CEP78: variants seen among roughly 807,000 people sequenced by gnomAD.
CEP78 encodes the protein centrosomal protein of 78 kDa.
In CEP78, 76 loss-of-function variants were observed where a neutral mutation model predicts 81.2. The ratio of observed to expected loss-of-function variants is 0.94; its 90% CI spans 0.78 to 1.13. CEP78 has a LOEUF of 1.13. Among genes scored for constraint, CEP78 ranks in the 50% most tolerant of loss-of-function variants. The pLI is 0.00. For missense variants in CEP78, 918 were observed against 846.8 expected, an observed-to-expected ratio of 1.08 and a Z score of -1.04; for synonymous variants, 293 against 301.4, an observed-to-expected ratio of 0.97 and a Z score of 0.29.
chr9:78,236,099 G>A lies in CEP78; in HGVS notation c.-252G>A. 1.9e-6 allele frequency: 1 copy of A among 517,124 alleles called. No individual in the cohort carries two copies. Among genetic ancestry groups the A allele is most frequent in the Non-Finnish European group, 3.4e-6 (1 of 293,658 alleles). The allele number at this position is 517,124 out of a possible 1,614,324, so 32.0% of individuals were successfully genotyped here. On this transcript the variant is annotated 5_prime_UTR_variant, in exon 1 of 17. Transcript: ENST00000643273. ...CGGCTTGAATCCCGGCGCCTCAGAGGACTATGAGGCGGGCGCCAACTGCTT... is the reference window on the plus strand; with the variant it reads ...CGGCTTGAATCCCGGCGCCTCAGAGAACTATGAGGCGGGCGCCAACTGCTT...
intron 3 of CEP78, among the ~76,000 whole-genome samples, chr9:78,240,726 C>T (rs1199564083): frequency 1.3e-5 from 2 of 151,958 alleles, no homozygotes; most frequent in Admixed American, 1.3e-4. Flanking sequence ...TTTGGGAGGC[C>T]GACGTGGGCG....
intron 12 of CEP78, 126 bp from the exon 13 acceptor site, chr9:78,264,024 C>T (rs536817368): frequency 1.6e-6 from 1 of 615,760 alleles, no homozygotes; most frequent in Non-Finnish European, 2.6e-6. Flanking sequence ...TCTGTCTTTA[C>T]TGGTAGAGAG....
intron 16 of CEP78, chr9:78,267,108 C>G: frequency 5.8e-6 from 6 of 1,025,814 alleles, no homozygotes; most frequent in Non-Finnish European, 5.3e-6. Flanking sequence ...TTGGAAGCCA[C>G]TAAAGGAAGA....
At chr9:78,259,806 A>G (rs1482347253) in intron 11 of CEP78, among the ~76,000 whole-genome samples, 2 of 152,210 alleles carry the variant, frequency 1.3e-5, no homozygotes, top group African/African-American at 2.4e-5. Flanking sequence ...CTGAATTTCC[A>G]AAAAATAACC....
intron 1 of CEP78, among the ~76,000 whole-genome samples, chr9:78,237,986 G>A (rs146357778): frequency 0.018 from 2,789 of 150,876 alleles, 80 homozygotes; most frequent in African/African-American, 0.064. Context: ...TTAGCCGGGC[G>A]TGGTGGCGGG....
At chr9:78,264,437 C>A in intron 13 of CEP78, 121 bp downstream of exon 13, 1 of 674,816 alleles carries the variant, frequency 1.5e-6, no homozygotes, top group Non-Finnish European at 2.3e-6. Context: ...ATAAGTAATA[C>A]ACTTGATTTT....
intron 8 of CEP78, chr9:78,249,920 A>G (rs1826674369): frequency 1.0e-5 from 2 of 196,124 alleles, no homozygotes; most frequent in Non-Finnish European, 2.1e-5. Flanking sequence ...GTACATTAAG[A>G]TCACCAAACA....
At position 78,273,710 on chromosome 9, in the gene CEP78, G is replaced by T. The variant is rs1396733583; in HGVS notation, c.*2859G>T. The T allele has an allele frequency of 6.6e-6, 1 of 152,288 alleles. No homozygotes were observed. Among genetic ancestry groups the T allele is most frequent in the Non-Finnish European group, 1.5e-5 (1 of 68,120 alleles). The allele number at this position is 152,288 out of a possible 1,614,324, so 9.4% of individuals were successfully genotyped here. On this transcript the variant is annotated 3_prime_UTR_variant, in exon 17 of 17. Coordinates refer to ENST00000643273, the MANE Select transcript of CEP78 (RefSeq NM_001330691.3). Reference sequence around the variant, plus strand: ...TGCAGTGAGCTGAGATGGCACCGCTGCACTCCAGCCTGGGCCATAGAGGAG... The same window carrying T: ...TGCAGTGAGCTGAGATGGCACCGCTTCACTCCAGCCTGGGCCATAGAGGAG...
At chr9:78,269,105 C>T (rs1268952773) in intron 16 of CEP78, among the ~76,000 whole-genome samples, 2 of 152,048 alleles carry the variant, frequency 1.3e-5, no homozygotes, top group South Asian at 2.1e-4. Context: ...ACTGGTGCCA[C>T]GAAATGCCAA....
chr9:78,251,398 C>T (rs1826752552), intron 8 of CEP78, among the ~76,000 whole-genome samples: 1 of 152,150 alleles, frequency 6.6e-6, no homozygotes. Flanking sequence ...ATACCTTTTA[C>T]ATGATAAAAT....
At chr9:78,258,143 T>A (rs965407711) in intron 11 of CEP78, among the ~76,000 whole-genome samples, 2 of 152,222 alleles carry the variant, frequency 1.3e-5, no homozygotes, top group East Asian at 3.8e-4. Flanking sequence ...TATTAATTCA[T>A]TTGATCCTCA....
Position 78,276,276 on chromosome 9 carries a change from C to G in CEP78, c.*5425C>G, listed in dbSNP as rs890854675. On this transcript the variant is annotated 3_prime_UTR_variant, in exon 17 of 17. Coordinates refer to ENST00000643273, the MANE Select transcript of CEP78 (RefSeq NM_001330691.3). ...CAGATTAAAGAAGTATAGTCATCTT[C>G]ACAAGCTGAAAGAGTATGTGATAAA... The G allele has an allele frequency of 1.3e-5, 2 of 152,180 alleles. No individual in the cohort carries two copies. The highest frequency in any genetic ancestry group is 4.8e-5 in the African/African-American group (2 of 41,440). The allele number at this position is 152,180 out of a possible 1,614,324, so 9.4% of individuals were successfully genotyped here.
rs1298745866 is a variant in CEP78, at chr9:78,270,914, G to A, written c.*63G>A. On this transcript the variant is annotated 3_prime_UTR_variant, in exon 17 of 17. Coordinates refer to ENST00000643273, the MANE Select transcript of CEP78 (RefSeq NM_001330691.3). ...AGTTGGAAAACCAGAAATTTGAACAGTGAAATTTCTGGAAGATAAGAAGCA... is the reference window on the plus strand; with the variant it reads ...AGTTGGAAAACCAGAAATTTGAACAATGAAATTTCTGGAAGATAAGAAGCA... The A allele has an allele frequency of 3.1e-6, 2 of 651,216 alleles. No homozygotes were observed. The highest frequency in any genetic ancestry group is 1.8e-5 in the South Asian group (1 of 56,802). The allele number at this position is 651,216 out of a possible 1,614,324, so 40.3% of individuals were successfully genotyped here. A position where few individuals can be genotyped will look rare whatever the true frequency, so the allele number is the denominator to read the frequency against.
rs114270051 is a variant in CEP78, at chr9:78,250,770, C to T, written c.1070-1138C>T. Among the ~76,000 whole-genome samples the T allele has an allele frequency of 5.7e-3, 865 of 152,258 alleles. 7 individuals carry two copies. Among genetic ancestry groups the T allele is most frequent in the African/African-American group, 0.02 (820 of 41,558 alleles). ...AAAAAAAAAATTTATATTTGCATTA[C>T]TTTCTACACATACTACAAACAATAC... On this transcript the variant is annotated intron_variant, in intron 8 of 16. Coordinates refer to ENST00000643273, the MANE Select transcript of CEP78 (RefSeq NM_001330691.3).
chr9:78,246,348 C>G (rs1194626959), intron 5 of CEP78, among the ~76,000 whole-genome samples: 1 of 152,066 alleles, frequency 6.6e-6, no homozygotes, highest in Non-Finnish European at 1.5e-5. Flanking sequence ...GCCTGTAATC[C>G]CAGCACTTTG....
rs1827697312 is a variant in CEP78, at chr9:78,271,888, CTTTCT to C, written c.*1046_*1050del. ...AAATTATTGTAGAGTTGGGTTCTTT[CTTTCT>C]TTTCTTTTTTTCTTTTTTTCTTTTT... On this transcript the variant is annotated 3_prime_UTR_variant, in exon 17 of 17. Coordinates refer to ENST00000643273, the MANE Select transcript of CEP78 (RefSeq NM_001330691.3). The C allele has an allele frequency of 1.3e-5, 2 of 151,876 alleles. No homozygotes were observed. The highest frequency in any genetic ancestry group is 6.6e-5 in the Admixed American group (1 of 15,238). The allele number at this position is 151,876 out of a possible 1,614,324, so 9.4% of individuals were successfully genotyped here.
chr9:78,240,813 A>C (rs1348724045), intron 3 of CEP78, among the ~76,000 whole-genome samples: 1 of 151,942 alleles, frequency 6.6e-6, no homozygotes, highest in African/African-American at 2.4e-5. Flanking sequence ...ATACAAAAAA[A>C]CTCACCAGGC....
Position 78,273,863 on chromosome 9 carries a change from C to T in CEP78, c.*3012C>T, listed in dbSNP as rs956011150. ...ACATCTCTTTTCAGAATCAGTGGAT[C>T]GACTGCTGCACACACACTAGAATGG... On this transcript the variant is annotated 3_prime_UTR_variant, in exon 17 of 17. Coordinates refer to ENST00000643273, the MANE Select transcript of CEP78 (RefSeq NM_001330691.3). 1 of 152,194 alleles carries T rather than the reference C, an allele frequency of 6.6e-6. No individual in the cohort carries two copies. The highest frequency in any genetic ancestry group is 1.5e-5 in the Non-Finnish European group (1 of 68,030). 9.4% of individuals were successfully genotyped at this position (152,194 alleles called of 1,614,324 possible).
intron 10 of CEP78, chr9:78,254,609 C>T (rs1176928056): frequency 1.0e-5 from 2 of 192,688 alleles, no homozygotes; most frequent in South Asian, 1.9e-4. Flanking sequence ...AAAATATGGG[C>T]GATTCCAGTA....
Sources: gnomAD v4.1 joint callset for allele counts (sites outside exome capture counted in the v4.1 genomes callset) on GRCh38, gnomAD v4.1.1 for gene constraint, MANE v1.5 for transcripts, NCBI Gene and HGNC (gene_info 2026-07-23, HGNC 2026-07-21) for gene names.